The following CAST variants were observed in gnomAD, a reference collection of about 807,000 sequenced individuals.
CAST encodes calpastatin.
In CAST, 76 loss-of-function variants were observed where a neutral mutation model predicts 119.6. The ratio of observed to expected loss-of-function variants is 0.64; its 90% CI spans 0.53 to 0.77. The LOEUF is 0.77. CAST is among the 30% of genes least tolerant of loss of function. The pLI is 0.00. For synonymous variants in CAST, 319 were observed against 331.6 expected (o/e 0.96, Z 0.41); for missense variants, 953 against 946.5 (o/e 1.01, Z -0.09).
At chr5:96,539,126 C>G (rs1428227183) in intron 1 of CAST, among the ~76,000 whole-genome samples, 1 of 152,104 alleles carries the variant, frequency 6.6e-6, no homozygotes, top group Admixed American at 6.5e-5. Context: ...CAGCAAATGT[C>G]AAAATATCAC....
chr5:96,151,604 G>T, the CAST span, among the ~76,000 whole-genome samples: 210 of 152,348 alleles, frequency 1.4e-3, 2 homozygotes, highest in African/African-American at 4.3e-3. Flanking sequence ...TAATGAATGA[G>T]CAGGAGTCAG....
chr5:96,088,549 A>C, the CAST span, among the ~76,000 whole-genome samples: 1 of 152,234 alleles, frequency 6.6e-6, no homozygotes, highest in African/African-American at 2.4e-5. Flanking sequence ...CCTGGATCCT[A>C]CAAGTTGGAT....
chr5:96,477,703 G>T, the CAST span, among the ~76,000 whole-genome samples: 1 of 152,088 alleles, frequency 6.6e-6, no homozygotes, highest in Non-Finnish European at 1.5e-5. Flanking sequence ...TCTTTTGCAG[G>T]TGAGAATATT....
chr5:96,392,867 G>A, the CAST span: 1 of 894,376 alleles, frequency 1.1e-6, no homozygotes, highest in East Asian at 2.4e-5. Context: ...ACAGTTTAGG[G>A]AGAAAAAGAA....
At chr5:96,131,839 A>G in the CAST span, among the ~76,000 whole-genome samples, 1 of 152,174 alleles carries the variant, frequency 6.6e-6, no homozygotes, top group East Asian at 1.9e-4. Context: ...GTATCAAATC[A>G]TACACAGGGA....
At chr5:95,995,670 C>G in the CAST span, among the ~76,000 whole-genome samples, 3 of 152,024 alleles carry the variant, frequency 2.0e-5, no homozygotes, top group Non-Finnish European at 4.4e-5. Context: ...GAATTCCCAT[C>G]TACTTATTGT....
At chr5:96,152,694 T>C in the CAST span, among the ~76,000 whole-genome samples, 1 of 152,206 alleles carries the variant, frequency 6.6e-6, no homozygotes, top group Non-Finnish European at 1.5e-5. Flanking sequence ...TTTCATTATA[T>C]CTATTTGCTT....
chr5:95,969,538 G>C, the CAST span, among the ~76,000 whole-genome samples: 1 of 152,090 alleles, frequency 6.6e-6, no homozygotes. Context: ...ACAAAAAAGA[G>C]CAGAGTTAGG....
intron 1 of CAST, among the ~76,000 whole-genome samples, chr5:96,576,853 TA>T (rs1746681446): frequency 6.6e-6 from 1 of 151,034 alleles, no homozygotes; most frequent in African/African-American, 2.4e-5. Context: ...AGTTCCAAGG[TA>T]CAAGTACAGG....
intron 1 of CAST, among the ~76,000 whole-genome samples, chr5:96,556,572 C>G (rs189849703): frequency 6.5e-4 from 99 of 152,238 alleles, no homozygotes; most frequent in African/African-American, 2.3e-3. Flanking sequence ...GCACAAGCCT[C>G]GGTAGCCTAT....
At chr5:96,172,823 G>C in the CAST span, among the ~76,000 whole-genome samples, 2 of 152,264 alleles carry the variant, frequency 1.3e-5, no homozygotes, top group East Asian at 3.9e-4. Flanking sequence ...CAGGAACAAC[G>C]CTTAAATGAC....
chr5:96,502,175 T>G, the CAST span, among the ~76,000 whole-genome samples: 1 of 152,232 alleles, frequency 6.6e-6, no homozygotes, highest in Non-Finnish European at 1.5e-5. Flanking sequence ...AATCCTGTAC[T>G]TCAAATCTCT....
the CAST span, among the ~76,000 whole-genome samples, chr5:96,385,303 T>G: frequency 2.6e-5 from 4 of 152,194 alleles, no homozygotes; most frequent in Admixed American, 1.3e-4. Context: ...TTTCCAAAAT[T>G]TGAAGAAGCG....
chr5:96,727,675 G>T, intron 6 of CAST, 145 bp downstream of exon 6: 1 of 470,278 alleles, frequency 2.1e-6, no homozygotes. Context: ...GAATGGCTGT[G>T]TACATGTAGA....
chr5:96,056,742 C>T, the CAST span, among the ~76,000 whole-genome samples: 1 of 152,106 alleles, frequency 6.6e-6, no homozygotes, highest in Admixed American at 6.6e-5. Context: ...TAAAGCCAGC[C>T]TCTGTTTTGA....
chr5:96,620,706 T>A (rs1456667598), intron 1 of CAST, among the ~76,000 whole-genome samples: 2 of 152,240 alleles, frequency 1.3e-5, no homozygotes, highest in African/African-American at 4.8e-5. Context: ...TTCACCATTT[T>A]ACTATCTTCG....
chr5:96,678,814 T>C lies in CAST; in HGVS notation c.138+3213T>C, dbSNP rs1751004349. Among the ~76,000 whole-genome samples, 2 of 152,024 alleles carry C rather than the reference T, an allele frequency of 1.3e-5. 1 individual carries two copies. Among genetic ancestry groups the C allele is most frequent in the South Asian group, 4.2e-4 (2 of 4,818 alleles). On this transcript the variant is annotated intron_variant, in intron 2 of 31. Coordinates refer to ENST00000675179, the MANE Select transcript of CAST (RefSeq NM_001750.7). The stretch of plus-strand genomic sequence containing the variant: ...GTGAGCCGAGATCACGCCACTGCAC[T>C]CCAGCCTGGGTGACAGAGCAAGATT...
chr5:96,731,302 A>C (rs1429088231), intron 9 of CAST, among the ~76,000 whole-genome samples: 1 of 152,204 alleles, frequency 6.6e-6, no homozygotes, highest in African/African-American at 2.4e-5. Context: ...GAAATATTTC[A>C]AGTCCTCTCA....
chr5:96,496,793 A>G, the CAST span, among the ~76,000 whole-genome samples: 1 of 152,052 alleles, frequency 6.6e-6, no homozygotes, highest in Non-Finnish European at 1.5e-5. Flanking sequence ...TAGCATATTT[A>G]TTGCAATTTG....
Sources: allele counts gnomAD v4.1 joint callset (sites outside exome capture counted in the v4.1 genomes callset), GRCh38; gene constraint gnomAD v4.1.1; transcripts MANE v1.5; gene names NCBI Gene and HGNC (gene_info 2026-07-23, HGNC 2026-07-21).